Variants in GOLGA3 observed in about 807,000 individuals in gnomAD.
GOLGA3 encodes golgin subfamily A member 3.
GOLGA3 carries 75 observed loss-of-function variants against 169.4 expected under a neutral mutation model. The ratio of observed to expected loss-of-function variants is 0.44; its 90% CI spans 0.37 to 0.54. The LOEUF is 0.54. Ranked by LOEUF, GOLGA3 falls within the 20% of genes least tolerant of loss-of-function variation. The pLI, the probability that GOLGA3 is intolerant of heterozygous loss-of-function variation, is 0.00. For missense variants in GOLGA3, 1,899 were observed against 1,930.0 expected (o/e 0.98, Z 0.30); for synonymous variants, 824 against 822.4 (o/e 1.00, Z -0.03).
intron 7 of GOLGA3, among the ~76,000 whole-genome samples, chr12:132,803,818 G>A (rs939177782): frequency 1.3e-5 from 2 of 152,276 alleles, no homozygotes; most frequent in African/African-American, 2.4e-5. Flanking sequence ...AGGGACCCCT[G>A]GCTCAGGAGA....
At chr12:132,780,498 T>G (rs941049427) in intron 18 of GOLGA3, among the ~76,000 whole-genome samples, 2 of 152,212 alleles carry the variant, frequency 1.3e-5, no homozygotes, top group Admixed American at 6.5e-5. Flanking sequence ...TCATATGCTA[T>G]TCTCAAGTTT....
At chr12:132,820,459 G>A (rs1470283670) in intron 2 of GOLGA3, among the ~76,000 whole-genome samples, 3 of 152,200 alleles carry the variant, frequency 2.0e-5, no homozygotes, top group Non-Finnish European at 4.4e-5. Flanking sequence ...CCACGGCCGC[G>A]GGTCTCAGAA....
chr12:132,781,426 G>A (rs1383707224), intron 17 of GOLGA3, among the ~76,000 whole-genome samples: 1 of 152,132 alleles, frequency 6.6e-6, no homozygotes, highest in Admixed American at 6.6e-5. Context: ...GGGCGCGGTG[G>A]TGCACGCCTG....
rs1240880705 is a variant in GOLGA3 at position 132,777,385 on chromosome 12, G to A, written c.3722+281C>T. 7.8e-6 allele frequency among the ~76,000 whole-genome samples: 1 copy of A among 128,216 alleles called. No individual in the cohort carries two copies. Among genetic ancestry groups the A allele is most frequent in the Non-Finnish European group, 1.8e-5 (1 of 54,746 alleles). 84.1% of individuals were successfully genotyped at this position (128,216 alleles called of 152,430 possible). On this transcript the variant is annotated intron_variant, in intron 19 of 23. Coordinates refer to ENST00000450791, the MANE Select transcript of GOLGA3 (RefSeq NM_001389683.1). This position sits in a 1 kb window ranked among gnomAD's most constrained non-coding sequence, Gnocchi z 4.7. ...GACCACAGTGCATGGGACCCACAGAGCCACAGCATCAGCCCCGCGCCGGGC... is the reference window on the plus strand; with the variant it reads ...GACCACAGTGCATGGGACCCACAGAACCACAGCATCAGCCCCGCGCCGGGC...
chr12:132,774,276 C>G lies in GOLGA3; in HGVS notation c.4188G>C (p.Thr1396=). The G allele has an allele frequency of 1.2e-6, 2 of 1,612,826 alleles. No individual in the cohort carries two copies. Among genetic ancestry groups the G allele is most frequent in the Non-Finnish European group, 1.7e-6 (2 of 1,180,024 alleles). Residue 1396 remains threonine, a synonymous_variant, in exon 23 of 24, where the codon ACG becomes ACC. Transcript: ENST00000450791. ...KGEASSSNPA[T]PIKIPDCPVP... ...CTGGGCAGTCCGGGATCTTGATGGGCGTGGCAGGGTTGGAAGAGCTGGCCT... is the reference window on the plus strand; with the variant it reads ...CTGGGCAGTCCGGGATCTTGATGGGGGTGGCAGGGTTGGAAGAGCTGGCCT...
At chr12:132,813,255 G>A in intron 4 of GOLGA3, 52 bp downstream of exon 4, 1 of 1,252,406 alleles carries the variant, frequency 8.0e-7, no homozygotes, top group Non-Finnish European at 1.2e-6. Context: ...ACCAACAGTT[G>A]TCTCTGGCAC....
In GOLGA3 at chr12:132,775,166, T is replaced by C. The variant is rs1345425200; in HGVS notation, c.4118A>G (p.Asp1373Gly). ...LLQQNQQLKLDLRRGAAKTRK... is the reference protein window; with the variant it reads ...LLQQNQQLKLGLRRGAAKTRK... ...CGTCTTGGCCGCGCCGCGGCGTAGG[T>C]CCAGCTTGAGCTGCTGGTTCTGCTG... is the stretch of plus-strand genomic sequence containing the variant. The change falls in exon 22 of 24, where the codon GAC becomes GGC. Residue 1373 changes from aspartate (D) to glycine (G), a missense_variant. Physicochemically the swap from Asp to Gly is moderately conservative, Grantham distance 94. Transcript: ENST00000450791. 5 of 1,613,986 alleles carry C rather than the reference T, an allele frequency of 3.1e-6. No individual in the cohort carries two copies. The Admixed American group carries it at 6.7e-5, about 22-fold the overall frequency.
At chr12:132,800,055 A>G (rs1401956170) in intron 8 of GOLGA3, among the ~76,000 whole-genome samples, 1 of 152,160 alleles carries the variant, frequency 6.6e-6, no homozygotes, top group African/African-American at 2.4e-5. Context: ...CTATACTTCT[A>G]AAATACACCT....
intron 6 of GOLGA3, among the ~76,000 whole-genome samples, chr12:132,806,481 A>C (rs1054261744): frequency 5.3e-5 from 8 of 152,206 alleles, no homozygotes; most frequent in Non-Finnish European, 1.5e-5. Flanking sequence ...TTGTATGAGA[A>C]AACCATCTTC....
At chr12:132,819,492 G>C (rs542365992) in intron 2 of GOLGA3, among the ~76,000 whole-genome samples, 28 of 152,294 alleles carry the variant, frequency 1.8e-4, no homozygotes, top group African/African-American at 6.5e-4. Context: ...TCGTGCCACT[G>C]CACTCCAGTC....
At chr12:132,825,062 C>A (rs1030932279) in intron 1 of GOLGA3, among the ~76,000 whole-genome samples, 1 of 152,212 alleles carries the variant, frequency 6.6e-6, no homozygotes, top group South Asian at 2.1e-4. Flanking sequence ...TCGACTGCGC[C>A]ACTGAATACT....
chr12:132,806,523 C>G lies in GOLGA3; in HGVS notation c.1290+654G>C, dbSNP rs115504596. Among the ~76,000 whole-genome samples, 742 of 152,340 alleles carry G rather than the reference C, an allele frequency of 4.9e-3. 10 individuals carry two copies. Among genetic ancestry groups the G allele is most frequent in the African/African-American group, 0.017 (707 of 41,566 alleles). On this transcript the variant is annotated intron_variant, in intron 6 of 23. Coordinates refer to ENST00000450791, the MANE Select transcript of GOLGA3 (RefSeq NM_001389683.1). ...AGGCGTGCATTTAGCAAGGCAAGCT[C>G]CGGACACTGTGAGCAGCTCCAGCCC... is the stretch of plus-strand genomic sequence containing the variant.
chr12:132,827,731 G>A (rs577157510), intron 1 of GOLGA3: 1 of 152,114 alleles, frequency 6.6e-6, no homozygotes, highest in South Asian at 2.1e-4. Context: ...GATATTAAAG[G>A]GTTATAAAGC....
chr12:132,807,866 C>T (rs538954562), intron 5 of GOLGA3, 25 bp downstream of exon 5: 8 of 1,376,414 alleles, frequency 5.8e-6, no homozygotes, highest in African/African-American at 1.5e-5. Context: ...CCACCCACCC[C>T]GCCCACCTCT....
rs368875396 is a variant in GOLGA3 at position 132,786,808 on chromosome 12, G to A, written c.2812-21C>T. 95 of 1,524,132 alleles carry A rather than the reference G, an allele frequency of 6.2e-5. 1 individual carries two copies. Among genetic ancestry groups the A allele is most frequent in the Non-Finnish European group, 5.1e-5 (56 of 1,098,456 alleles). The allele number at this position is 1,524,132 out of a possible 1,614,324, so 94.4% of individuals were successfully genotyped here. A position where few individuals can be genotyped will look rare whatever the true frequency, so the allele number is the denominator to read the frequency against. The stretch of plus-strand genomic sequence containing the variant: ...AACGACTGTGGAAGGGAAGGAGGGC[G>A]TGAGGAGCGGCACTGCCACCCCCAG... On this transcript the variant is annotated intron_variant, in intron 13 of 23. Coordinates refer to ENST00000450791, the MANE Select transcript of GOLGA3 (RefSeq NM_001389683.1).
chr12:132,811,259 C>T (rs1378226700), intron 4 of GOLGA3, among the ~76,000 whole-genome samples: 1 of 152,176 alleles, frequency 6.6e-6, no homozygotes, highest in Non-Finnish European at 1.5e-5. Flanking sequence ...TCTACACTCT[C>T]TCGTCTCCGC....
At chr12:132,802,546 G>C (rs1949184443) in intron 7 of GOLGA3, among the ~76,000 whole-genome samples, 1 of 151,904 alleles carries the variant, frequency 6.6e-6, no homozygotes, top group Non-Finnish European at 1.5e-5. Flanking sequence ...GATCCCATGA[G>C]CCCAGGAGTT....
chr12:132,779,616 G>C (rs998555474), intron 18 of GOLGA3, among the ~76,000 whole-genome samples: 2 of 152,188 alleles, frequency 1.3e-5, no homozygotes, highest in African/African-American at 4.8e-5. Context: ...TAAAGGAAAA[G>C]TGATGTGTTC....
chr12:132,784,439 ACCTT>A, intron 15 of GOLGA3, 132 bp from the exon 16 acceptor site: 1 of 746,470 alleles, frequency 1.3e-6, no homozygotes, highest in Non-Finnish European at 2.2e-6. Context: ...CAGTCTCACA[ACCTT>A]CCTTTTTGTT....
Sources: allele counts gnomAD v4.1 joint callset (sites outside exome capture counted in the v4.1 genomes callset), GRCh38; gene constraint gnomAD v4.1.1; non-coding constraint Gnocchi (gnomAD v3.1); transcripts MANE v1.5; gene names NCBI Gene and HGNC (gene_info 2026-07-23, HGNC 2026-07-21).